Variants in AHI1 observed in about 807,000 individuals in gnomAD.
The protein encoded by AHI1 is jouberin.
In AHI1, 123 loss-of-function variants were observed where a neutral mutation model predicts 149.3. The ratio of observed to expected loss-of-function variants is 0.82; its 90% CI spans 0.71 to 0.96. The LOEUF (loss-of-function observed/expected upper bound fraction) is 0.96. Ranked by LOEUF, AHI1 falls within the 40% of genes least tolerant of loss-of-function variation. The probability of loss-of-function intolerance (pLI) is 0.00; values close to 1 mark genes in which losing one functional copy is unlikely to be tolerated. For missense variants in AHI1, 1,439 were observed against 1,422.7 expected, an observed-to-expected ratio of 1.01 and a Z score of -0.18; for synonymous variants, 475 against 459.8, an observed-to-expected ratio of 1.03 and a Z score of -0.42.
chr6:135,403,290 T>A (rs1780280617), intron 22 of AHI1, among the ~76,000 whole-genome samples: 1 of 152,164 alleles, frequency 6.6e-6, no homozygotes, highest in Admixed American at 6.6e-5. Flanking sequence ...CTGTATATTT[T>A]AAAAGAGTGG....
intron 24 of AHI1, among the ~76,000 whole-genome samples, chr6:135,346,008 A>G (rs1452521463): frequency 6.6e-6 from 1 of 152,204 alleles, no homozygotes; most frequent in Non-Finnish European, 1.5e-5. Flanking sequence ...GTGGAAATAT[A>G]ATCAAAGGAG....
Position 135,341,236 on chromosome 6 carries a change from C to A in AHI1, c.3165+16896G>T, listed in dbSNP as rs74640874. On this transcript the variant is annotated intron_variant, in intron 24 of 28. Coordinates refer to ENST00000265602, the MANE Select transcript of AHI1 (RefSeq NM_001134831.2). Reference sequence around the variant, plus strand: ...CAAGAACACTTCAGATTTAAGGATACAAGACTGTTGAAAAATGGAAAAAGA... The same window carrying A: ...CAAGAACACTTCAGATTTAAGGATAAAAGACTGTTGAAAAATGGAAAAAGA... Among the ~76,000 whole-genome samples, 1,145 of 151,950 alleles carry A rather than the reference C, an allele frequency of 7.5e-3. 17 individuals carry two copies. The highest frequency in any genetic ancestry group is 0.024 in the African/African-American group (1,006 of 41,474).
rs1233923344 is a variant in AHI1, at chr6:135,364,678, T to G, written c.3110-6491A>C. On this transcript the variant is annotated intron_variant, in intron 23 of 28. Transcript: ENST00000265602. Reference sequence around the variant, plus strand: ...GCCGAGGCTGGCGGATCACTCGCGGTTAGGAGCTGGAGACCAGCCCGGCCA... The same window carrying G: ...GCCGAGGCTGGCGGATCACTCGCGGGTAGGAGCTGGAGACCAGCCCGGCCA... Among the ~76,000 whole-genome samples the G allele has an allele frequency of 1.9e-3, 285 of 152,112 alleles. 1 individual carries two copies. Among genetic ancestry groups the G allele is most frequent in the African/African-American group, 6.4e-3 (267 of 41,482 alleles).
At chr6:135,402,616 C>A (rs1474729239) in intron 22 of AHI1, among the ~76,000 whole-genome samples, 1 of 152,062 alleles carries the variant, frequency 6.6e-6, no homozygotes, top group African/African-American at 2.4e-5. Flanking sequence ...CACTTCTCCA[C>A]CTCTTCTGCC....
chr6:135,298,116 A>C (rs1198168695), intron 27 of AHI1, among the ~76,000 whole-genome samples: 2 of 152,198 alleles, frequency 1.3e-5, no homozygotes, highest in East Asian at 3.9e-4. Context: ...GCATATTTAT[A>C]GCAGCCTCAT....
At chr6:135,365,637 G>A (rs1339694883) in intron 23 of AHI1, among the ~76,000 whole-genome samples, 1 of 152,134 alleles carries the variant, frequency 6.6e-6, no homozygotes, top group Non-Finnish European at 1.5e-5. Flanking sequence ...ATTTAGCAGT[G>A]CTACTGATTT....
chr6:135,461,041 A>G (rs555702212), intron 8 of AHI1, among the ~76,000 whole-genome samples: 72 of 150,962 alleles, frequency 4.8e-4, no homozygotes, highest in Admixed American at 1.3e-3. Context: ...AGCACTTACC[A>G]TCAAAGGAAA....
At chr6:135,369,326 G>A (rs537241474) in intron 23 of AHI1, among the ~76,000 whole-genome samples, 1 of 152,300 alleles carries the variant, frequency 6.6e-6, no homozygotes, top group South Asian at 2.1e-4. Flanking sequence ...GATTCTCTTG[G>A]CTTTTCTGGT....
At chr6:135,420,531 G>T (rs1301931347) in intron 20 of AHI1, among the ~76,000 whole-genome samples, 1 of 152,124 alleles carries the variant, frequency 6.6e-6, no homozygotes, top group Non-Finnish European at 1.5e-5. Context: ...ACAGCTTCTA[G>T]ATCATCACTT....
At chr6:135,334,168 GA>G (rs1789020366) in intron 24 of AHI1, among the ~76,000 whole-genome samples, 1 of 152,166 alleles carries the variant, frequency 6.6e-6, no homozygotes, top group Non-Finnish European at 1.5e-5. Context: ...CTTTACATGT[GA>G]AAGCTCATTT....
chr6:135,298,852 G>A (rs1783494762), intron 27 of AHI1, among the ~76,000 whole-genome samples: 1 of 152,158 alleles, frequency 6.6e-6, no homozygotes, highest in African/African-American at 2.4e-5. Context: ...GGTATGAAAT[G>A]TAGACCGAGT....
chr6:135,344,178 T>C (rs968996901), intron 24 of AHI1, among the ~76,000 whole-genome samples: 2 of 152,090 alleles, frequency 1.3e-5, no homozygotes, highest in East Asian at 1.9e-4. Context: ...ATAGTTGTTA[T>C]ACTATTTTTA....
chr6:135,343,547 A>G (rs1790694956), intron 24 of AHI1, among the ~76,000 whole-genome samples: 1 of 151,798 alleles, frequency 6.6e-6, no homozygotes, highest in South Asian at 2.1e-4. Context: ...GTGTGTATGG[A>G]TCAATGCAAA....
chr6:135,468,805 G>A (rs1005760692), intron 5 of AHI1, among the ~76,000 whole-genome samples: 4 of 152,158 alleles, frequency 2.6e-5, no homozygotes, highest in Non-Finnish European at 5.9e-5. Context: ...GCAGGAAGAA[G>A]TTGAATCCCT....
At chr6:135,426,635 G>A (rs924769449) in intron 20 of AHI1, among the ~76,000 whole-genome samples, 19 of 151,644 alleles carry the variant, frequency 1.3e-4, no homozygotes, top group African/African-American at 4.3e-4. Context: ...AGAAATATAT[G>A]AAAACCAGCA....
chr6:135,459,849 G>A (rs1215545747), intron 8 of AHI1, among the ~76,000 whole-genome samples: 1 of 151,922 alleles, frequency 6.6e-6, no homozygotes, highest in East Asian at 1.9e-4. Flanking sequence ...TAAAACTATC[G>A]TTATTAACGT....
intron 26 of AHI1, among the ~76,000 whole-genome samples, chr6:135,311,544 A>AT (rs1353278391): frequency 5.9e-5 from 9 of 152,142 alleles, no homozygotes; most frequent in Non-Finnish European, 1.2e-4. Flanking sequence ...TGAACATGTT[A>AT]TTTTTTATAG....
intron 27 of AHI1, among the ~76,000 whole-genome samples, chr6:135,298,691 G>C (rs1783471459): frequency 2.0e-5 from 3 of 152,038 alleles, no homozygotes; most frequent in Non-Finnish European, 4.4e-5. Context: ...AGACATATCT[G>C]AACTTCTCAT....
chr6:135,456,827 T>C (rs897303323), intron 9 of AHI1, among the ~76,000 whole-genome samples: 3 of 152,222 alleles, frequency 2.0e-5, no homozygotes, highest in Non-Finnish European at 4.4e-5. Flanking sequence ...TTCATTTACC[T>C]TACCTGAAGC....
Sources: gnomAD v4.1 joint callset for allele counts (sites outside exome capture counted in the v4.1 genomes callset) on GRCh38, gnomAD v4.1.1 for gene constraint, MANE v1.5 for transcripts, NCBI Gene and HGNC (gene_info 2026-07-23, HGNC 2026-07-21) for gene names.